Variants in ODAD2 observed in about 807,000 individuals in gnomAD.
The protein encoded by ODAD2 is outer dynein arm-docking complex subunit 2.
ODAD2 carries 89 observed loss-of-function variants against 106.8 expected under a neutral mutation model. The ratio of observed to expected loss-of-function variants is 0.83; its 90% CI spans 0.70 to 0.99. The LOEUF (loss-of-function observed/expected upper bound fraction) is 0.99. Ranked by LOEUF, ODAD2 falls within the 50% of genes least tolerant of loss-of-function variation. The pLI is 0.00. For synonymous variants in ODAD2, 404 were observed against 436.2 expected (o/e 0.93, Z 0.92); for missense variants, 1,168 against 1,238.5 (o/e 0.94, Z 0.85).
chr10:27,852,759 G>C (rs1002889305), intron 19 of ODAD2, among the ~76,000 whole-genome samples: 2 of 151,634 alleles, frequency 1.3e-5, no homozygotes, highest in Non-Finnish European at 2.9e-5. Flanking sequence ...TCAGGAGTTC[G>C]AGACCAGCCT....
chr10:27,987,567 G>A (rs961592916), intron 2 of ODAD2, 24 bp from the exon 3 acceptor site: 1 of 1,575,736 alleles, frequency 6.3e-7, no homozygotes, highest in Non-Finnish European at 8.6e-7. Flanking sequence ...ATAAAAAATT[G>A]AAAGCTTCAT....
At chr10:27,903,811 C>T (rs1843386091) in intron 17 of ODAD2, among the ~76,000 whole-genome samples, 2 of 152,104 alleles carry the variant, frequency 1.3e-5, no homozygotes, top group South Asian at 4.1e-4. Flanking sequence ...AAACCCTTCT[C>T]CTCTGAAAAG....
At chr10:27,935,700 G>T (rs1476863061) in intron 15 of ODAD2, among the ~76,000 whole-genome samples, 1 of 95,328 alleles carries the variant, frequency 1.0e-5, no homozygotes. Context: ...GTGCTACTTG[G>T]ATAAAAAAAA....
At chr10:27,939,634 A>T (rs1197673900) in intron 14 of ODAD2, among the ~76,000 whole-genome samples, 1 of 152,158 alleles carries the variant, frequency 6.6e-6, no homozygotes, top group African/African-American at 2.4e-5. Flanking sequence ...GCTACTTGGG[A>T]GGCAGAGATG....
At chr10:27,824,451 C>T (rs182579436) in intron 19 of ODAD2, among the ~76,000 whole-genome samples, 57 of 152,306 alleles carry the variant, frequency 3.7e-4, no homozygotes, top group Middle Eastern at 6.8e-3. Flanking sequence ...CTTGCTTCCA[C>T]CTACTGCCCT....
At chr10:27,990,557 C>T (rs1384939784) in intron 2 of ODAD2, among the ~76,000 whole-genome samples, 1 of 152,166 alleles carries the variant, frequency 6.6e-6, no homozygotes, top group Non-Finnish European at 1.5e-5. Context: ...AACTAGCAGT[C>T]CTCAGGGACA....
At chr10:27,952,672 G>C (rs1347118806) in intron 10 of ODAD2, among the ~76,000 whole-genome samples, 1 of 152,058 alleles carries the variant, frequency 6.6e-6, no homozygotes, top group East Asian at 1.9e-4. Context: ...CCTAGACTCC[G>C]GCCTGAACCA....
intron 10 of ODAD2, chr10:27,957,047 G>A (rs1368469511): frequency 6.6e-6 from 1 of 152,104 alleles, no homozygotes; most frequent in Non-Finnish European, 1.5e-5. Context: ...ATGGAGCCTA[G>A]AGACATTAAC....
chr10:27,979,827 ACCC>A (rs1849432469), intron 7 of ODAD2, among the ~76,000 whole-genome samples: 5 of 152,124 alleles, frequency 3.3e-5, no homozygotes, highest in Admixed American at 2.0e-4. Flanking sequence ...CTCTATCAAA[ACCC>A]AATGGCATTT....
chr10:27,970,098 CAAAAAATA>C (rs1274084018), intron 8 of ODAD2, among the ~76,000 whole-genome samples: 10 of 125,338 alleles, frequency 8.0e-5, no homozygotes, highest in African/African-American at 2.5e-4. Context: ...GATTCTGTCT[CAAAAAATA>C]AATAAATAAA....
rs145133998 is a variant in ODAD2, at chr10:27,936,859, G to A, written c.2119C>T (p.Arg707Trp). 2.1e-4 allele frequency: 346 copies of A among 1,611,276 alleles called. No homozygotes were observed. Among genetic ancestry groups the A allele is most frequent in the Non-Finnish European group, 2.6e-4 (312 of 1,179,092 alleles). ...CCTCCGTGCAGCCTAACGAGGTCCCGGGTTTCCTTATCTTCAGCACACTGC... is the reference window on the plus strand; with the variant it reads ...CCTCCGTGCAGCCTAACGAGGTCCCAGGTTTCCTTATCTTCAGCACACTGC... Reference protein sequence around the residue: ...IYQCAEDKETRDLVRLHGGLK... With the variant: ...IYQCAEDKETWDLVRLHGGLK... The change falls in exon 15 of 20, where the codon CGG becomes TGG. Residue 707 changes from arginine to tryptophan, a missense_variant. Physicochemically the swap from Arg to Trp is moderately radical, Grantham distance 101. Around this residue, in one of 3 missense-constraint regions of ODAD2, gnomAD observed 701 missense variants for 712.3 expected, o/e 0.98. Transcript: ENST00000305242.
intron 16 of ODAD2, among the ~76,000 whole-genome samples, chr10:27,917,524 AG>A (rs1421345586): frequency 1.3e-5 from 2 of 152,080 alleles, no homozygotes; most frequent in Non-Finnish European, 2.9e-5. Context: ...TTAAAAATAA[AG>A]GCAGATATTA....
chr10:27,827,377 C>T (rs1021890162), intron 19 of ODAD2, among the ~76,000 whole-genome samples: 8 of 57,178 alleles, frequency 1.4e-4, no homozygotes, highest in Non-Finnish European at 2.1e-4. Flanking sequence ...CACACACACA[C>T]ACTATATATA....
At chr10:27,838,211 GTGCCAAAAACT>G (rs1272234488) in intron 19 of ODAD2, among the ~76,000 whole-genome samples, 1 of 152,186 alleles carries the variant, frequency 6.6e-6, no homozygotes, top group African/African-American at 2.4e-5. Flanking sequence ...TATTTTCTGA[GTGCCAAAAACT>G]ACTTACTCAT....
chr10:27,924,538 T>A (rs1483466158), intron 16 of ODAD2, among the ~76,000 whole-genome samples: 10 of 111,642 alleles, frequency 9.0e-5, no homozygotes, highest in Admixed American at 2.0e-4. Context: ...GAACAGTACA[T>A]CCAGTTAATA....
intron 19 of ODAD2, among the ~76,000 whole-genome samples, chr10:27,841,863 T>C (rs1440444379): frequency 3.3e-5 from 5 of 152,110 alleles, no homozygotes; most frequent in African/African-American, 1.2e-4. Context: ...AAAGTGATCC[T>C]CCCACCTGAG....
At chr10:27,829,819 T>C (rs944221140) in intron 19 of ODAD2, among the ~76,000 whole-genome samples, 1 of 152,184 alleles carries the variant, frequency 6.6e-6, no homozygotes, top group Non-Finnish European at 1.5e-5. Flanking sequence ...ATAATACTTC[T>C]TCCTCTCTGG....
At chr10:27,989,334 T>A (rs1187386010) in intron 2 of ODAD2, among the ~76,000 whole-genome samples, 2 of 152,172 alleles carry the variant, frequency 1.3e-5, no homozygotes, top group African/African-American at 2.4e-5. Flanking sequence ...TAGAAGACAT[T>A]TAGTAAACAT....
At position 27,944,299 on chromosome 10, in the gene ODAD2, C is replaced by T. The variant is rs1350513257; in HGVS notation, c.1666G>A (p.Ala556Thr). Residue 556 changes from alanine to threonine, a missense_variant, in exon 12 of 20, where the codon GCC becomes ACC. This residue lies in a region of ODAD2 where 701 missense variants were observed against 712.3 expected (regional missense o/e 0.98). Transcript: ENST00000305242. ...TTGGCAACATTCGCGATAGTCTCGG[C>T]TGCCAAACATTTTAGACTCTTGTGT... ...SPHKSLKCLA[A>T]ETIANVAKFK... The T allele has an allele frequency of 6.2e-7, 1 of 1,614,068 alleles. No homozygotes were observed. The highest frequency in any genetic ancestry group is 2.2e-5 in the East Asian group (1 of 44,828).
Sources: gnomAD v4.1 joint callset for allele counts (sites outside exome capture counted in the v4.1 genomes callset) on GRCh38, gnomAD v4.1.1 for gene constraint, gnomAD v4.1.1 regional missense constraint, MANE v1.5 for transcripts, NCBI Gene and HGNC (gene_info 2026-07-23, HGNC 2026-07-21) for gene names.